Variants in FGF14 observed in about 807,000 individuals in gnomAD.
The protein encoded by FGF14 is fibroblast growth factor homologous factor 4.
Under a neutral mutation model 25.5 loss-of-function variants are expected in FGF14, and 5 were observed. That is an observed-to-expected ratio of 0.20 (90% CI 0.10 to 0.41). The LOEUF (loss-of-function observed/expected upper bound fraction) is 0.41, where lower values mean the gene tolerates loss of function less well. FGF14 is among the 10% of genes least tolerant of loss of function. The pLI is 1.00. For synonymous variants in FGF14, 138 were observed against 118.3 expected (o/e 1.17, Z -1.08); for missense variants, 222 against 320.1 (o/e 0.69, Z 2.34).
intron 1 of FGF14, among the ~76,000 whole-genome samples, chr13:102,083,570 A>G (rs1294821477): frequency 1.3e-5 from 2 of 152,212 alleles, no homozygotes; most frequent in African/African-American, 4.8e-5. Context: ...TAGCTCTGAC[A>G]ACCAACTGCC....
chr13:101,928,822 C>T (rs897132039), intron 1 of FGF14, among the ~76,000 whole-genome samples: 1 of 146,830 alleles, frequency 6.8e-6, no homozygotes, highest in African/African-American at 2.6e-5. Context: ...TATACTCTCT[C>T]CAGAGCATTT....
chr13:101,815,562 A>T (rs1219359934), intron 3 of FGF14, among the ~76,000 whole-genome samples: 1 of 152,118 alleles, frequency 6.6e-6, no homozygotes, highest in Non-Finnish European at 1.5e-5. Context: ...ACTTTGGCAA[A>T]AGGCAATATA....
chr13:102,003,200 G>A (rs2139748876), intron 1 of FGF14: 1 of 151,938 alleles, frequency 6.6e-6, no homozygotes, highest in African/African-American at 2.4e-5. Flanking sequence ...TTGCCAGTAA[G>A]TTTTACCCAG....
intron 1 of FGF14, among the ~76,000 whole-genome samples, chr13:102,357,197 G>C (rs567492876): frequency 1.9e-4 from 29 of 151,240 alleles, no homozygotes; most frequent in African/African-American, 7.1e-4. Context: ...AGGACACCAG[G>C]TTGCACACCT....
intron 1 of FGF14, among the ~76,000 whole-genome samples, chr13:102,340,737 A>G (rs1019253237): frequency 6.6e-6 from 1 of 152,192 alleles, no homozygotes. Flanking sequence ...AGGGCTTCTT[A>G]TTACAGTAGC....
intron 1 of FGF14, among the ~76,000 whole-genome samples, chr13:102,341,532 T>C (rs1319502208): frequency 2.0e-5 from 3 of 152,158 alleles, no homozygotes; most frequent in African/African-American, 4.8e-5. Context: ...GGCTGTTCTT[T>C]TCCCCTTCCC....
chr13:102,005,414 G>A (rs1489389750), intron 1 of FGF14, among the ~76,000 whole-genome samples: 1 of 152,158 alleles, frequency 6.6e-6, no homozygotes. Context: ...TGTGCACTAG[G>A]CTTCAAGGTT....
intron 1 of FGF14, among the ~76,000 whole-genome samples, chr13:102,236,842 A>G (rs947161314): frequency 6.6e-6 from 1 of 152,164 alleles, no homozygotes; most frequent in African/African-American, 2.4e-5. Flanking sequence ...GTGCAGGGTG[A>G]TTCCCTTCAC....
intron 1 of FGF14, among the ~76,000 whole-genome samples, chr13:102,260,034 C>T (rs1051410287): frequency 1.3e-5 from 2 of 152,136 alleles, no homozygotes; most frequent in Non-Finnish European, 2.9e-5. Flanking sequence ...GTGAGCACAT[C>T]ACTAGCGAAG....
At chr13:102,110,830 T>C (rs1566698503) in intron 1 of FGF14, among the ~76,000 whole-genome samples, 1 of 152,160 alleles carries the variant, frequency 6.6e-6, no homozygotes, top group Non-Finnish European at 1.5e-5. Flanking sequence ...AATTGTTTCC[T>C]TTTTTGCCTC....
chr13:102,258,137 A>G (rs376209228), intron 1 of FGF14, among the ~76,000 whole-genome samples: 1 of 152,136 alleles, frequency 6.6e-6, no homozygotes, highest in African/African-American at 2.4e-5. Context: ...ATCTTGTAAG[A>G]CTTCTTCACT....
At chr13:101,981,724 C>G (rs2038281069) in intron 1 of FGF14, among the ~76,000 whole-genome samples, 1 of 152,148 alleles carries the variant, frequency 6.6e-6, no homozygotes, top group South Asian at 2.1e-4. Context: ...CATTGATTCT[C>G]AAGCTTAGTT....
At chr13:101,951,526 G>A (rs2036169084) in intron 1 of FGF14, among the ~76,000 whole-genome samples, 1 of 152,036 alleles carries the variant, frequency 6.6e-6, no homozygotes, top group Admixed American at 6.6e-5. Context: ...AAGGAACATG[G>A]TAAAAGAATT....
intron 1 of FGF14, among the ~76,000 whole-genome samples, chr13:101,933,801 C>T (rs1360651862): frequency 1.3e-5 from 2 of 151,996 alleles, no homozygotes; most frequent in Non-Finnish European, 2.9e-5. Context: ...TTACATATTA[C>T]TCTTTCTTAC....
chr13:101,948,410 C>T (rs1056987033), intron 1 of FGF14, among the ~76,000 whole-genome samples: 1 of 151,538 alleles, frequency 6.6e-6, no homozygotes, highest in Admixed American at 6.6e-5. Context: ...GTATACTACA[C>T]ATATGTAACA....
rs547983333 is a variant in FGF14 at position 102,379,138 on chromosome 13, T to C, written c.208+22333A>G. On this transcript the variant is annotated intron_variant, in intron 1 of 4. Coordinates refer to the FGF14 transcript ENST00000376131. ...TTAAACACTGTATTATTTAACATTA[T>C]AATAACATCATCAAAAATCTCTATA... is the stretch of plus-strand genomic sequence containing the variant. Among the ~76,000 whole-genome samples the C allele has an allele frequency of 2.6e-5, 4 of 152,272 alleles. No homozygotes were observed. The South Asian group carries it at 8.3e-4, about 32-fold the overall frequency.
At chr13:102,326,706 G>C (rs2056451148) in intron 1 of FGF14, among the ~76,000 whole-genome samples, 1 of 64,978 alleles carries the variant, frequency 1.5e-5, no homozygotes, top group Non-Finnish European at 3.2e-5. Context: ...AAGGAAGGAA[G>C]GAAGGAAGGA....
chr13:102,348,637 A>C (rs1387833931), intron 1 of FGF14, among the ~76,000 whole-genome samples: 1 of 152,208 alleles, frequency 6.6e-6, no homozygotes, highest in African/African-American at 2.4e-5. Flanking sequence ...GGTTCTCAAA[A>C]TGTGACGTCT....
At chr13:101,947,637 A>G (rs1052014799) in intron 1 of FGF14, among the ~76,000 whole-genome samples, 1 of 152,210 alleles carries the variant, frequency 6.6e-6, no homozygotes, top group Non-Finnish European at 1.5e-5. Flanking sequence ...CTAACCATTG[A>G]GTACACATGG....
Sources: gnomAD v4.1 joint callset for allele counts (sites outside exome capture counted in the v4.1 genomes callset) on GRCh38, gnomAD v4.1.1 for gene constraint, MANE v1.5 for transcripts, NCBI Gene and HGNC (gene_info 2026-07-23, HGNC 2026-07-21) for gene names.